The following RFX2 variants were observed in gnomAD, a reference collection of about 807,000 sequenced individuals.
RFX2 encodes the protein regulatory factor X2, also known as DNA-binding protein RFX2.
A neutral mutation model predicts 87.8 loss-of-function variants in RFX2; 20 were observed. The observed-to-expected ratio is 0.23, with a 90% CI of 0.16 to 0.33. The LOEUF is 0.33. RFX2 is among the 10% of genes least tolerant of loss of function. RFX2 has a pLI of 1.00. For synonymous variants in RFX2, 397 were observed against 431.3 expected, an observed-to-expected ratio of 0.92 and a Z score of 0.98; for missense variants, 767 against 1,012.3, an observed-to-expected ratio of 0.76 and a Z score of 3.29.
chr19:6,009,014 G>A (rs188062570), intron 9 of RFX2, among the ~76,000 whole-genome samples: 79 of 152,226 alleles, frequency 5.2e-4, no homozygotes, highest in African/African-American at 1.9e-3. Context: ...GTTTTCTCAG[G>A]TAGAAAATGG....
intron 12 of RFX2, 54 bp downstream of exon 12, chr19:6,006,958 A>C: frequency 6.3e-7 from 1 of 1,589,396 alleles, no homozygotes; most frequent in Non-Finnish European, 8.6e-7. Context: ...GAAAGGACAG[A>C]GGAGGCAGGA....
At chr19:6,070,074 TG>T (rs2087576196) in intron 1 of RFX2, among the ~76,000 whole-genome samples, 1 of 1,294 alleles carries the variant, frequency 7.7e-4, no homozygotes, top group Non-Finnish European at 1.6e-3. Flanking sequence ...GGATGGGATG[TG>T]GATGGGATGG....
intron 5 of RFX2, among the ~76,000 whole-genome samples, chr19:6,035,831 C>T (rs953534976): frequency 1.3e-5 from 2 of 149,084 alleles, no homozygotes; most frequent in South Asian, 4.2e-4. Context: ...GATGATGACT[C>T]CCCCAGAGCT....
chr19:6,015,835 TG>T (rs1159130212), intron 7 of RFX2, among the ~76,000 whole-genome samples: 1 of 152,110 alleles, frequency 6.6e-6, no homozygotes, highest in Non-Finnish European at 1.5e-5. Context: ...AGAAAAGTAT[TG>T]TTTGGGAAAT....
At chr19:6,032,259 CT>C (rs1203433323) in intron 5 of RFX2, among the ~76,000 whole-genome samples, 1 of 151,980 alleles carries the variant, frequency 6.6e-6, no homozygotes, top group Non-Finnish European at 1.5e-5. Context: ...GTAGCTGAGA[CT>C]ACAGGTGCGT....
At chr19:5,995,565 G>A (rs372282415) in intron 17 of RFX2, 36 bp downstream of exon 17, 2 of 1,548,190 alleles carry the variant, frequency 1.3e-6, no homozygotes, top group African/African-American at 1.4e-5. Flanking sequence ...CACCCTCCTG[G>A]GAGGGTCGTG....
At chr19:6,037,018 C>T (rs1013725440) in intron 5 of RFX2, among the ~76,000 whole-genome samples, 1 of 152,154 alleles carries the variant, frequency 6.6e-6, no homozygotes, top group African/African-American at 2.4e-5. Flanking sequence ...GGAAGGGTGG[C>T]TCACACCTGT....
rs973110707 is a variant in RFX2 at position 6,023,308 on chromosome 19, A to G, written c.597+2855T>C. ...GGGTCAGGCTGGCAGGGGAGGTGGCACTGTGGCTGTGCCCCCGCCTGACCT... is the reference window on the plus strand; with the variant it reads ...GGGTCAGGCTGGCAGGGGAGGTGGCGCTGTGGCTGTGCCCCCGCCTGACCT... On this transcript the variant is annotated intron_variant, in intron 6 of 17. Transcript: ENST00000303657. The surrounding 1 kb of genome is among the most constrained non-coding windows in gnomAD (Gnocchi z 4.9). 1 of 152,298 alleles carries G rather than the reference A, an allele frequency of 6.6e-6. No homozygotes were observed. The highest frequency in any genetic ancestry group is 1.5e-5 in the Non-Finnish European group (1 of 68,114). The allele number at this position is 152,298 out of a possible 1,614,324, so 9.4% of individuals were successfully genotyped here.
At chr19:6,087,685 C>T (rs2087872469) in intron 1 of RFX2, among the ~76,000 whole-genome samples, 1 of 152,142 alleles carries the variant, frequency 6.6e-6, no homozygotes, top group Admixed American at 6.5e-5. Flanking sequence ...CTAAAAAATC[C>T]AGCTACAACA....
At position 6,002,666 on chromosome 19, in the gene RFX2, G is replaced by T; in HGVS notation, c.1650+55C>A. On this transcript the variant is annotated intron_variant, in intron 14 of 17. Transcript: ENST00000303657. This position sits in a 1 kb window ranked among gnomAD's most constrained non-coding sequence, Gnocchi z 6.7. Reference sequence around the variant, plus strand: ...ACGGGCTCCACTTGGTGGGTTTGCTGGTTTTGCTGGAGGGCGGGAAGCCCG... The same window carrying T: ...ACGGGCTCCACTTGGTGGGTTTGCTTGTTTTGCTGGAGGGCGGGAAGCCCG... 5 of 1,600,554 alleles carry T rather than the reference G, an allele frequency of 3.1e-6. No individual in the cohort carries two copies. The South Asian group carries it at 5.6e-5, about 18-fold the overall frequency.
At chr19:6,019,544 G>GTGTATA (rs386388444) in intron 6 of RFX2, among the ~76,000 whole-genome samples, 10 of 143,130 alleles carry the variant, frequency 7.0e-5, no homozygotes, top group African/African-American at 2.7e-4. Context: ...GTGTGTGTGT[G>GTGTATA]TATATACTTT....
At position 6,016,335 on chromosome 19, in the gene RFX2, G is replaced by A; in HGVS notation, c.598-64C>T. ...TGAGGAACGCTAACATGCCAACGTG[G>A]ACTCATTAAGAGAATTACTTGCGTT... On this transcript the variant is annotated intron_variant, in intron 6 of 17. Transcript: ENST00000303657. This position sits in a 1 kb window ranked among gnomAD's most constrained non-coding sequence, Gnocchi z 5.4. 8.4e-7 allele frequency: 1 copy of A among 1,187,514 alleles called. No homozygotes were observed. Among genetic ancestry groups the A allele is most frequent in the Non-Finnish European group, 1.2e-6 (1 of 837,680 alleles). 73.6% of individuals were successfully genotyped at this position (1,187,514 alleles called of 1,614,324 possible). A position where few individuals can be genotyped will look rare whatever the true frequency, so the allele number is the denominator to read the frequency against.
At position 6,008,214 on chromosome 19, in the gene RFX2, G is replaced by A. The variant is rs1475100077; in HGVS notation, c.1026C>T (p.His342=). Residue 342 remains histidine, a synonymous_variant, in exon 10 of 18, where the codon CAC becomes CAT. Coordinates refer to ENST00000303657, the MANE Select transcript of RFX2 (RefSeq NM_000635.4). ...QHHQQYIDVS[H]VFPEFPAPDL... ...CGGGCGCTGGGAACTCGGGGAAGAC[G>A]TGGGAGACATCTGGGGGAGGAACAC... 4 of 1,556,634 alleles carry A rather than the reference G, an allele frequency of 2.6e-6. No individual in the cohort carries two copies. Among genetic ancestry groups the A allele is most frequent in the South Asian group, 1.2e-5 (1 of 84,596 alleles).
chr19:6,040,205 C>T lies in RFX2; in HGVS notation c.297G>A (p.Met99Ile), dbSNP rs761875306. The part of the protein sequence containing the change: ...TAYTYNPEPQ[M>I]YAPSSTASYF... ...AAGAAGCCGTGCTGCTGGGGGCGTA[C>T]ATCTGAGGCTCGGGGTTGTAGGTGT... The change falls in exon 5 of 18, where the codon ATG (methionine) becomes ATA (isoleucine). Residue 99 changes from methionine (M) to isoleucine (I), a missense_variant. Coordinates refer to ENST00000303657, the MANE Select transcript of RFX2 (RefSeq NM_000635.4). This position sits in a 1 kb window ranked among gnomAD's most constrained non-coding sequence, Gnocchi z 6.1. 15 of 1,586,552 alleles carry T rather than the reference C, an allele frequency of 9.5e-6. No individual in the cohort carries two copies. The highest frequency in any genetic ancestry group is 1.3e-5 in the Non-Finnish European group (15 of 1,159,524).
chr19:6,047,062 G>A lies in RFX2; in HGVS notation c.90+345C>T, dbSNP rs988738871. 1.1e-4 allele frequency among the ~76,000 whole-genome samples: 16 copies of A among 151,884 alleles called. No individual in the cohort carries two copies. Among genetic ancestry groups the A allele is most frequent in the Admixed American group, 5.9e-4 (9 of 15,228 alleles). Reference sequence around the variant, plus strand: ...ATTACCTGTGTGAGCCACTGCACCCGGCCTTACTTCTTAATTCTTAATAAA... The same window carrying A: ...ATTACCTGTGTGAGCCACTGCACCCAGCCTTACTTCTTAATTCTTAATAAA... On this transcript the variant is annotated intron_variant, in intron 2 of 17. Transcript: ENST00000303657. The surrounding 1 kb of genome is among the most constrained non-coding windows in gnomAD (Gnocchi z 4.2).
Position 6,012,449 on chromosome 19 carries a change from A to T in RFX2, c.899+537T>A, listed in dbSNP as rs2086671518. Among the ~76,000 whole-genome samples the T allele has an allele frequency of 6.6e-6, 1 of 152,048 alleles. No individual in the cohort carries two copies. The highest frequency in any genetic ancestry group is 2.1e-4 in the South Asian group (1 of 4,822). ...AAGCTGGGTAGGCAGAACATGGAGG[A>T]TGTGTAGGACTGTGAAAGGACTCTG... is the stretch of plus-strand genomic sequence containing the variant. On this transcript the variant is annotated intron_variant, in intron 8 of 17. Transcript: ENST00000303657. The surrounding 1 kb of genome is among the most constrained non-coding windows in gnomAD (Gnocchi z 4.6).
In RFX2 at chr19:6,083,088, G is replaced by A. The variant is rs10419821; in HGVS notation, c.-9+27305C>T. On this transcript the variant is annotated intron_variant, in intron 1 of 17. Transcript: ENST00000303657. This position sits in a 1 kb window ranked among gnomAD's most constrained non-coding sequence, Gnocchi z 4.6. ...CCCCCAGCTAATTTTTGTATTGTTTGTAGAGACGGGGTTTCACCCTGTTGT... is the reference window on the plus strand; with the variant it reads ...CCCCCAGCTAATTTTTGTATTGTTTATAGAGACGGGGTTTCACCCTGTTGT... 4.8e-3 allele frequency among the ~76,000 whole-genome samples: 734 copies of A among 152,222 alleles called. 10 individuals carry two copies. The highest frequency in any genetic ancestry group is 0.016 in the African/African-American group (669 of 41,532).
intron 1 of RFX2, among the ~76,000 whole-genome samples, chr19:6,105,967 T>C (rs529674508): frequency 6.6e-6 from 1 of 152,138 alleles, no homozygotes; most frequent in Non-Finnish European, 1.5e-5. Context: ...TGGATAGATG[T>C]TTTCTGCAGA....
At chr19:5,995,571 T>C (rs2302222) in intron 17 of RFX2, 30 bp downstream of exon 17, 458,011 of 1,547,164 alleles carry the variant, frequency 0.3, 71,834 homozygotes, top group Middle Eastern at 0.36. Context: ...CCTGGGAGGG[T>C]CGTGGTGGGA....
Sources: allele counts gnomAD v4.1 joint callset (sites outside exome capture counted in the v4.1 genomes callset), GRCh38; gene constraint gnomAD v4.1.1; non-coding constraint Gnocchi (gnomAD v3.1); transcripts MANE v1.5; gene names NCBI Gene and HGNC (gene_info 2026-07-23, HGNC 2026-07-21).